The following NANS variants were observed in gnomAD, a reference collection of about 807,000 sequenced individuals.
The protein encoded by NANS is N-acetylneuraminate-9-phosphate synthase.
In NANS, 29 loss-of-function variants were observed where a neutral mutation model predicts 33.3. The observed-to-expected ratio is 0.87, with a 90% CI of 0.65 to 1.19. The LOEUF is 1.19. NANS is among the 50% of genes most tolerant of loss of function. The probability of loss-of-function intolerance (pLI) is 0.00; values close to 1 mark genes in which losing one functional copy is unlikely to be tolerated. For synonymous variants in NANS, 163 were observed against 177.2 expected, an observed-to-expected ratio of 0.92 and a Z score of 0.64; for missense variants, 394 against 461.1, an observed-to-expected ratio of 0.85 and a Z score of 1.33.
At chr9:98,065,250 A>T (rs1023481319) in intron 2 of NANS, among the ~76,000 whole-genome samples, 10 of 151,170 alleles carry the variant, frequency 6.6e-5, no homozygotes, top group Non-Finnish European at 1.3e-4. Flanking sequence ...AGAGAATTAC[A>T]ATGTTTAGCT....
intron 1 of NANS, 43 bp from the exon 2 acceptor site, chr9:98,060,739 A>C: frequency 6.3e-7 from 1 of 1,585,252 alleles, no homozygotes; most frequent in Non-Finnish European, 8.6e-7. Context: ...TTTTTTTGAG[A>C]ATCTACGACA....
chr9:98,073,271 C>CCT (rs1564161444), intron 2 of NANS, among the ~76,000 whole-genome samples: 44 of 57,824 alleles, frequency 7.6e-4, no homozygotes, highest in Non-Finnish European at 1.2e-3. Context: ...TCACCATGGG[C>CCT]TTTTTTTTTT....
chr9:98,057,949 G>T (rs1828877641), intron 1 of NANS, among the ~76,000 whole-genome samples: 1 of 92,502 alleles, frequency 1.1e-5, no homozygotes, highest in East Asian at 3.0e-4. Context: ...TTTTGAGACA[G>T]GGTCTCTGTA....
At chr9:98,061,886 G>A (rs1166242234) in intron 2 of NANS, among the ~76,000 whole-genome samples, 1 of 151,840 alleles carries the variant, frequency 6.6e-6, no homozygotes, top group Non-Finnish European at 1.5e-5. Flanking sequence ...CAAGCTGTAG[G>A]GACACCCCAG....
At chr9:98,065,914 C>T (rs1316653921) in intron 2 of NANS, among the ~76,000 whole-genome samples, 1 of 152,100 alleles carries the variant, frequency 6.6e-6, no homozygotes, top group Non-Finnish European at 1.5e-5. Flanking sequence ...TGCCCCCCAC[C>T]ATGATTCTGA....
intron 2 of NANS, among the ~76,000 whole-genome samples, chr9:98,068,971 AGC>A (rs1829231786): frequency 6.6e-6 from 1 of 152,222 alleles, no homozygotes. Context: ...TTTTTTAAAC[AGC>A]TTTATTGGGA....
rs1358531974 is a variant in NANS at position 98,057,528 on chromosome 9, C to CT, written c.132+592dup. 2.6e-5 allele frequency among the ~76,000 whole-genome samples: 4 copies of CT among 152,310 alleles called. No homozygotes were observed. In the East Asian group the frequency reaches 5.8e-4, roughly 22 times the overall value. ...GCTGCTTACTTAGCCTCCGTGAACC[C>CT]TTTTCCCCATTTGAAAACGGGGCTT... On this transcript the variant is annotated intron_variant, in intron 1 of 5. Transcript: ENST00000210444.
intron 2 of NANS, among the ~76,000 whole-genome samples, chr9:98,072,413 ATTT>A (rs1004255694): frequency 6.8e-5 from 9 of 132,154 alleles, no homozygotes; most frequent in East Asian, 2.1e-4. Flanking sequence ...GGGAAAGTGC[ATTT>A]TTTTTTTTTT....
At position 98,073,271 on chromosome 9, in the gene NANS, C is replaced by CTTTTTTTTTTT; in HGVS notation, c.349-3626_349-3616dup. On this transcript the variant is annotated intron_variant, in intron 2 of 5. Coordinates refer to ENST00000210444, the MANE Select transcript of NANS (RefSeq NM_018946.4). ...GTTCTCCCCAGCTCATCACCATGGG[C>CTTTTTTTTTTT]TTTTTTTTTTTTTTTTTTTTTTTTT... Among the ~76,000 whole-genome samples, 2 of 57,848 alleles carry CTTTTTTTTTTT rather than the reference C, an allele frequency of 3.5e-5. 1 individual carries two copies. The highest frequency in any genetic ancestry group is 5.9e-5 in the Non-Finnish European group (2 of 33,712). The allele number at this position is 57,848 out of a possible 152,430, so 38.0% of individuals were successfully genotyped here. A position where few individuals can be genotyped will look rare whatever the true frequency, so the allele number is the denominator to read the frequency against.
At chr9:98,070,846 C>T (rs1006337990) in intron 2 of NANS, among the ~76,000 whole-genome samples, 2 of 151,340 alleles carry the variant, frequency 1.3e-5, no homozygotes, top group Non-Finnish European at 2.9e-5. Flanking sequence ...ACTCTGTTGC[C>T]CAGGCTGGAG....
At chr9:98,061,805 A>G (rs1230260159) in intron 2 of NANS, among the ~76,000 whole-genome samples, 1 of 151,330 alleles carries the variant, frequency 6.6e-6, no homozygotes, top group African/African-American at 2.4e-5. Context: ...AATAATAATA[A>G]TAATAGTAAT....
chr9:98,061,063 A>G, intron 2 of NANS, 66 bp downstream of exon 2: 3 of 1,528,340 alleles, frequency 2.0e-6, no homozygotes, highest in East Asian at 2.3e-5. Flanking sequence ...CAGCCTGGTG[A>G]CTTCCGGCTT....
chr9:98,061,791 AATT>A lies in NANS; in HGVS notation c.348+796_348+798del, dbSNP rs200523159. Among the ~76,000 whole-genome samples, 43 of 151,510 alleles carry A rather than the reference AATT, an allele frequency of 2.8e-4. 1 individual carries two copies. The highest frequency in any genetic ancestry group is 1.0e-3 in the African/African-American group (43 of 41,338). ...AAGATTCCGTCTCAAAAAAAAAAAA[AATT>A]AATAATAATAATAATAGTAATAACA... On this transcript the variant is annotated intron_variant, in intron 2 of 5. Coordinates refer to ENST00000210444, the MANE Select transcript of NANS (RefSeq NM_018946.4).
At chr9:98,081,333 G>A in intron 5 of NANS, 3 of 530,894 alleles carry the variant, frequency 5.7e-6, no homozygotes, top group Non-Finnish European at 1.0e-5. Context: ...TCACATTAGA[G>A]TCTTCCACTA....
intron 2 of NANS, among the ~76,000 whole-genome samples, chr9:98,061,955 C>T (rs929834951): frequency 6.6e-6 from 1 of 151,924 alleles, no homozygotes; most frequent in African/African-American, 2.4e-5. Context: ...GGTGTGGTGG[C>T]TCACACCTGT....
chr9:98,081,262 C>A, intron 5 of NANS, 180 bp downstream of exon 5: 1 of 769,498 alleles, frequency 1.3e-6, no homozygotes. Context: ...TCACTCTGGC[C>A]TGTAGCAGCA....
At chr9:98,058,583 T>G (rs1448717376) in intron 1 of NANS, among the ~76,000 whole-genome samples, 1 of 152,224 alleles carries the variant, frequency 6.6e-6, no homozygotes, top group East Asian at 1.9e-4. Flanking sequence ...TTTTTCCTCT[T>G]GGAATGCCGA....
chr9:98,078,835 GGA>G (rs1829714997), intron 4 of NANS, among the ~76,000 whole-genome samples: 1 of 79,314 alleles, frequency 1.3e-5, no homozygotes. Context: ...ACTCTCAGGG[GGA>G]AAAAAAAAAA....
At chr9:98,081,321 G>T in intron 5 of NANS, 1 of 567,236 alleles carries the variant, frequency 1.8e-6, no homozygotes, top group Non-Finnish European at 3.1e-6. Flanking sequence ...GGCCACCTAG[G>T]GTCACATTAG....
Sources: allele counts gnomAD v4.1 joint callset (sites outside exome capture counted in the v4.1 genomes callset), GRCh38; gene constraint gnomAD v4.1.1; transcripts MANE v1.5; gene names NCBI Gene and HGNC (gene_info 2026-07-23, HGNC 2026-07-21).